Variants in RORA observed in about 807,000 individuals in gnomAD.
RORA encodes nuclear receptor ROR-alpha.
Under a neutral mutation model 69.5 loss-of-function variants are expected in RORA, and 7 were observed. That is an observed-to-expected ratio of 0.10 (90% CI 0.06 to 0.19). RORA has a LOEUF of 0.19. RORA is among the 10% of genes least tolerant of loss of function. The pLI is 1.00. For missense variants in RORA, 457 were observed against 663.0 expected (o/e 0.69, Z 3.41); for synonymous variants, 261 against 240.8 (o/e 1.08, Z -0.78).
chr15:60,714,947 A>C (rs1205696776), intron 1 of RORA, among the ~76,000 whole-genome samples: 1 of 152,150 alleles, frequency 6.6e-6, no homozygotes, highest in African/African-American at 2.4e-5. Context: ...CTATGACCAA[A>C]ATCAAGTGAG....
At chr15:60,962,553 T>C (rs1253137333) in intron 1 of RORA, among the ~76,000 whole-genome samples, 1 of 152,246 alleles carries the variant, frequency 6.6e-6, no homozygotes, top group Non-Finnish European at 1.5e-5. Flanking sequence ...CTTAGAGTTC[T>C]AGTCGAGGCT....
chr15:60,996,841 C>A (rs4992188), intron 1 of RORA, among the ~76,000 whole-genome samples: 34,464 of 151,274 alleles, frequency 0.23, 4,321 homozygotes, highest in East Asian at 0.39. Context: ...ACCCAGGAGG[C>A]GGAGCTTGCA....
intron 1 of RORA, among the ~76,000 whole-genome samples, chr15:61,113,806 C>A (rs1351841975): frequency 1.3e-5 from 2 of 152,180 alleles, no homozygotes; most frequent in African/African-American, 4.8e-5. Flanking sequence ...CACTTCAGCA[C>A]CTTTTAAGAT....
chr15:60,860,773 T>C (rs2073429206), intron 1 of RORA, among the ~76,000 whole-genome samples: 1 of 152,240 alleles, frequency 6.6e-6, no homozygotes, highest in South Asian at 2.1e-4. Context: ...CAATGTACAC[T>C]TACTGGGCAC....
At chr15:60,526,934 T>G (rs1178110101) in intron 3 of RORA, among the ~76,000 whole-genome samples, 1 of 152,228 alleles carries the variant, frequency 6.6e-6, no homozygotes, top group Admixed American at 6.5e-5. Flanking sequence ...ACTTATATAC[T>G]CTAGATATTT....
chr15:61,013,677 T>C (rs1895168470), intron 1 of RORA, among the ~76,000 whole-genome samples: 1 of 152,122 alleles, frequency 6.6e-6, no homozygotes, highest in African/African-American at 2.4e-5. Context: ...GTTTCTCCTA[T>C]TCATTTTTCT....
At chr15:60,599,616 C>T (rs2068770307) in intron 2 of RORA, among the ~76,000 whole-genome samples, 1 of 152,092 alleles carries the variant, frequency 6.6e-6, no homozygotes, top group South Asian at 2.1e-4. Context: ...ATTTCTCACT[C>T]AAGGAAACTA....
chr15:60,681,414 G>T (rs2070640488), intron 1 of RORA, among the ~76,000 whole-genome samples: 1 of 152,258 alleles, frequency 6.6e-6, no homozygotes, highest in Admixed American at 6.5e-5. Flanking sequence ...CTATGGGAGT[G>T]CCCTCAGCCA....
chr15:60,564,230 T>TG (rs2067653751), intron 2 of RORA, among the ~76,000 whole-genome samples: 1 of 152,228 alleles, frequency 6.6e-6, no homozygotes, highest in African/African-American at 2.4e-5. Flanking sequence ...TCCCCTCATC[T>TG]GTAGAATGGT....
intron 1 of RORA, among the ~76,000 whole-genome samples, chr15:61,185,385 T>C (rs1049093459): frequency 1.0e-5 from 1 of 98,272 alleles, no homozygotes; most frequent in African/African-American, 3.1e-5. Flanking sequence ...ACTGGCAGGA[T>C]CTCTATACGG....
chr15:60,636,723 G>T lies in RORA; in HGVS notation c.196+41934C>A, dbSNP rs191576347. 2.8e-4 allele frequency among the ~76,000 whole-genome samples: 43 copies of T among 152,114 alleles called. No individual in the cohort carries two copies. In the East Asian group the frequency reaches 8.1e-3, roughly 29 times the overall value. On this transcript the variant is annotated intron_variant, in intron 2 of 10. Coordinates refer to ENST00000335670, the MANE Select transcript of RORA (RefSeq NM_134261.3). ...TAAAAGAAGCCTACAAAATATCACC[G>T]CATCATATTATCTTATTAGCCAAAT...
At chr15:60,639,076 T>C (rs995086292) in intron 2 of RORA, among the ~76,000 whole-genome samples, 1 of 152,158 alleles carries the variant, frequency 6.6e-6, no homozygotes, top group African/African-American at 2.4e-5. Flanking sequence ...ACTTTAAGTA[T>C]CAGTGATGGG....
intron 1 of RORA, among the ~76,000 whole-genome samples, chr15:61,150,357 A>G (rs181361850): frequency 1.5e-3 from 226 of 152,364 alleles, no homozygotes; most frequent in African/African-American, 4.0e-3. Flanking sequence ...TAAGCACTGT[A>G]GAGCCATCAT....
At chr15:60,819,676 G>T (rs1269207435) in intron 1 of RORA, among the ~76,000 whole-genome samples, 2 of 151,366 alleles carry the variant, frequency 1.3e-5, no homozygotes, top group Non-Finnish European at 2.9e-5. Flanking sequence ...GACCTGAGTG[G>T]ATGGTTGAAT....
At chr15:61,142,435 G>A (rs1282685249) in intron 1 of RORA, among the ~76,000 whole-genome samples, 1 of 152,178 alleles carries the variant, frequency 6.6e-6, no homozygotes, top group Admixed American at 6.5e-5. Flanking sequence ...GACACTAACA[G>A]ACAAGCTGCT....
intron 1 of RORA, among the ~76,000 whole-genome samples, chr15:60,774,752 T>C (rs1356148125): frequency 1.3e-5 from 2 of 152,230 alleles, no homozygotes; most frequent in East Asian, 3.8e-4. Flanking sequence ...CTAAAGGCTG[T>C]AGTCTGCCAC....
Position 60,491,688 on chromosome 15 carries a change from G to C in RORA, c.*5767C>G, listed in dbSNP as rs2065043524. 6.6e-6 allele frequency: 1 copy of C among 151,522 alleles called. No individual in the cohort carries two copies. Among genetic ancestry groups the C allele is most frequent in the Non-Finnish European group, 1.5e-5 (1 of 67,890 alleles). The allele number at this position is 151,522 out of a possible 1,614,324, so 9.4% of individuals were successfully genotyped here. On this transcript the variant is annotated 3_prime_UTR_variant, in exon 11 of 11. Coordinates refer to ENST00000335670, the MANE Select transcript of RORA (RefSeq NM_134261.3). ...GATTCTTTTAAAAATTATTCTGAGA[G>C]CCTGACAACACTGATCTCACCTACA...
intron 1 of RORA, among the ~76,000 whole-genome samples, chr15:61,220,275 C>T (rs1224142444): frequency 1.3e-5 from 2 of 152,212 alleles, no homozygotes; most frequent in Non-Finnish European, 2.9e-5. Context: ...TTCACCCTCC[C>T]AGTTGCCCTG....
Position 60,495,551 on chromosome 15 carries a change from A to C in RORA, c.*1904T>G, listed in dbSNP as rs2065146703. ...AGAAACAGAGTGAAGTGCTCTGGGAAGCCCATGCTGGTAACCTAGCATGAC... is the reference window on the plus strand; with the variant it reads ...AGAAACAGAGTGAAGTGCTCTGGGACGCCCATGCTGGTAACCTAGCATGAC... On this transcript the variant is annotated 3_prime_UTR_variant, in exon 11 of 11. Transcript: ENST00000335670. The C allele has an allele frequency of 6.6e-6, 1 of 152,246 alleles. No individual in the cohort carries two copies. The highest frequency in any genetic ancestry group is 1.5e-5 in the Non-Finnish European group (1 of 68,060). The allele number at this position is 152,246 out of a possible 1,614,324, so 9.4% of individuals were successfully genotyped here.
Sources: gnomAD v4.1 joint callset for allele counts (sites outside exome capture counted in the v4.1 genomes callset) on GRCh38, gnomAD v4.1.1 for gene constraint, MANE v1.5 for transcripts, NCBI Gene and HGNC (gene_info 2026-07-23, HGNC 2026-07-21) for gene names.